Variants in CYP11B2 observed in about 807,000 individuals in gnomAD.
The protein encoded by CYP11B2 is cytochrome P450 family 11 subfamily B member 2, also known as cytochrome P450 11B2, mitochondrial.
CYP11B2 carries 38 observed loss-of-function variants against 49.3 expected under a neutral mutation model. That is an observed-to-expected ratio of 0.77 (90% CI 0.59 to 1.01). The LOEUF (loss-of-function observed/expected upper bound fraction) is 1.01. Among genes scored for constraint, CYP11B2 ranks in the 50% least tolerant of loss-of-function variants. The probability of loss-of-function intolerance (pLI) is 0.00; values close to 1 mark genes in which losing one functional copy is unlikely to be tolerated. For synonymous variants in CYP11B2, 290 were observed against 269.3 expected, an observed-to-expected ratio of 1.08 and a Z score of -0.75; for missense variants, 669 against 655.5, an observed-to-expected ratio of 1.02 and a Z score of -0.23.
chr8:142,913,504 C>T (rs1039078454), intron 5 of CYP11B2, 53 bp from the exon 6 acceptor site: 44 of 1,610,492 alleles, frequency 2.7e-5, no homozygotes, highest in Non-Finnish European at 3.6e-5. Context: ...ACTCAGCCCC[C>T]GGGACACCCC....
At chr8:142,915,433 G>A (rs1563881342) in intron 2 of CYP11B2, among the ~76,000 whole-genome samples, 188 bp from the exon 3 acceptor site, 3 of 151,498 alleles carry the variant, frequency 2.0e-5, no homozygotes, top group Non-Finnish European at 3.0e-5. Context: ...CTGGGCAAAG[G>A]CCACTCAGGT....
rs1817673208 is a variant in CYP11B2, at chr8:142,917,697, C to T, written c.144G>A (p.Arg48=). Residue 48 remains arginine, a synonymous_variant, in exon 1 of 9, where the codon AGG becomes AGA. Transcript: ENST00000323110. ...TCCAGATCTGCAGCAGCCTCAGCCA[C>T]CTGTTGCCTGGATGCTGGGGCATGG... ...FEAMPQHPGN[R]WLRLLQIWRE... is the part of the protein sequence containing the mutation. 6 of 1,614,200 alleles carry T rather than the reference C, an allele frequency of 3.7e-6. No individual in the cohort carries two copies. In the East Asian group the frequency reaches 1.1e-4, roughly 30 times the overall value.
Position 142,914,391 on chromosome 8 carries a change from T to C in CYP11B2, c.827A>G (p.Gln276Arg), listed in dbSNP as rs762254718. 6.2e-7 allele frequency: 1 copy of C among 1,613,458 alleles called. No homozygotes were observed. The highest frequency in any genetic ancestry group is 1.1e-5 in the South Asian group (1 of 91,000). The change falls in exon 5 of 9, where the codon CAG (glutamine) becomes CGG (arginine). Residue 276 changes from glutamine to arginine, a missense_variant. By Grantham distance (43) the Gln-to-Arg change is conservative. Coordinates refer to ENST00000323110, the MANE Select transcript of CYP11B2 (RefSeq NM_000498.3). ...YGDNCIQKIY[Q>R]ELAFNRPQHY... The stretch of plus-strand genomic sequence containing the variant: ...TTGAGGGCGGTTGAAGGCCAGTTCC[T>C]GGTAGATTTTCTGGATACAGTTGTC...
At chr8:142,917,503 G>A (rs1350180474) in intron 1 of CYP11B2, 99 bp downstream of exon 1, 17 of 1,613,104 alleles carry the variant, frequency 1.1e-5, no homozygotes, top group South Asian at 3.3e-5. Context: ...GCAGAGTGCC[G>A]GGACCTGCTG....
At position 142,912,853 on chromosome 8, in the gene CYP11B2, A is replaced by T; in HGVS notation, c.1154T>A (p.Val385Glu). Residue 385 changes from valine to glutamate, a missense_variant, in exon 7 of 9, where the codon GTG (valine) becomes GAG (glutamate). Transcript: ENST00000323110. ...CTGAAGCACCAAGTCTGAGCTCACC[A>T]CTCGCTCCAAAAACAGACCCACAGG... is the stretch of plus-strand genomic sequence containing the variant. Reference protein sequence around the residue: ...LYPVGLFLERVVSSDLVLQNY... With the variant: ...LYPVGLFLEREVSSDLVLQNY... 6.2e-7 allele frequency: 1 copy of T among 1,613,498 alleles called. No homozygotes were observed. The highest frequency in any genetic ancestry group is 8.5e-7 in the Non-Finnish European group (1 of 1,179,864).
At chr8:142,914,187 G>A (rs527767252) in intron 5 of CYP11B2, 77 bp downstream of exon 5, 42 of 1,539,104 alleles carry the variant, frequency 2.7e-5, no homozygotes, top group South Asian at 6.7e-5. Flanking sequence ...CGTGGGTGCC[G>A]TGTGGCATTG....
In CYP11B2 at chr8:142,917,748, G is replaced by A. The variant is rs1817675047; in HGVS notation, c.93C>T (p.Ala31=). The A allele has an allele frequency of 6.2e-7, 1 of 1,614,220 alleles. No individual in the cohort carries two copies. The highest frequency in any genetic ancestry group is 1.6e-4 in the Middle Eastern group (1 of 6,062). ...ARALGTRAAR[A]PRTVLPFEAM... is the part of the protein sequence containing the mutation. Reference sequence around the variant, plus strand: ...CTTCAAACGGCAGCACCGTCCTAGGGGCCCGAGCGGCTCTAGTGCCCAGTG... The same window carrying A: ...CTTCAAACGGCAGCACCGTCCTAGGAGCCCGAGCGGCTCTAGTGCCCAGTG... Residue 31 remains alanine, a synonymous_variant, in exon 1 of 9, where the codon GCC becomes GCT. Transcript: ENST00000323110.
rs754372589 is a variant in CYP11B2, at chr8:142,917,232, A to ACTT, written c.240-19_240-18insAAG. ...AGTTGTACCTGTGGGGCCAAGCAGG[A>ACTT]GGCCCTGCTGGACGGGGTCATGTCC... On this transcript the variant is annotated intron_variant, in intron 1 of 8. Coordinates refer to ENST00000323110, the MANE Select transcript of CYP11B2 (RefSeq NM_000498.3). 3 of 1,613,188 alleles carry ACTT rather than the reference A, an allele frequency of 1.9e-6. No individual in the cohort carries two copies. Among genetic ancestry groups the ACTT allele is most frequent in the Non-Finnish European group, 2.5e-6 (3 of 1,179,532 alleles).
At position 142,914,379 on chromosome 8, in the gene CYP11B2, A is replaced by C; in HGVS notation, c.839T>G (p.Phe280Cys). ...GCCTGTGTAGTGTTGAGGGCGGTTG[A>C]AGGCCAGTTCCTGGTAGATTTTCTG... ...CIQKIYQELA[F>C]NRPQHYTGIV... Residue 280 changes from phenylalanine to cysteine, a missense_variant, in exon 5 of 9, where the codon TTC (phenylalanine) becomes TGC (cysteine). By Grantham distance (205) the Phe-to-Cys change is radical (BLOSUM62 -2). Transcript: ENST00000323110. The C allele has an allele frequency of 6.2e-7, 1 of 1,613,572 alleles. No individual in the cohort carries two copies. Among genetic ancestry groups the C allele is most frequent in the African/African-American group, 1.3e-5 (1 of 74,958 alleles).
intron 4 of CYP11B2, 115 bp downstream of exon 4, chr8:142,914,590 G>A (rs1314174298): frequency 7.0e-7 from 1 of 1,431,128 alleles, no homozygotes; most frequent in Non-Finnish European, 9.6e-7. Context: ...GCAGGAAGGT[G>A]AGGAATCCCC....
chr8:142,914,035 T>C, intron 5 of CYP11B2: 1 of 657,196 alleles, frequency 1.5e-6, no homozygotes, highest in South Asian at 1.5e-5. Flanking sequence ...GGAGCATGGA[T>C]CCCCACACAG....
chr8:142,914,500 C>T (rs949298974), intron 4 of CYP11B2, 82 bp from the exon 5 acceptor site: 115 of 1,478,238 alleles, frequency 7.8e-5, no homozygotes, highest in Admixed American at 9.7e-5. Context: ...CAGACTGCCC[C>T]GACACCCAAA....
At chr8:142,915,891 T>G (rs1817636034) in intron 2 of CYP11B2, among the ~76,000 whole-genome samples, 1 of 152,178 alleles carries the variant, frequency 6.6e-6, no homozygotes, top group Non-Finnish European at 1.5e-5. Flanking sequence ...TTTATTTATG[T>G]CCAGCTGGCT....
intron 8 of CYP11B2, 57 bp downstream of exon 8, chr8:142,912,473 G>T: frequency 1.3e-6 from 2 of 1,566,358 alleles, no homozygotes; most frequent in South Asian, 1.1e-5. Flanking sequence ...CCCGCCCCCA[G>T]TGTGCAGGTC....
intron 8 of CYP11B2, 38 bp downstream of exon 8, chr8:142,912,492 G>A: frequency 6.3e-7 from 1 of 1,599,006 alleles, no homozygotes; most frequent in African/African-American, 1.3e-5. Context: ...TCCCGCCTCT[G>A]CTGCCCAGGT....
At position 142,912,728 on chromosome 8, in the gene CYP11B2, C is replaced by T. The variant is rs1361507915; in HGVS notation, c.1201-1G>A. On this transcript the variant is annotated splice_acceptor_variant, in intron 7 of 8. Coordinates refer to ENST00000323110, the MANE Select transcript of CYP11B2 (RefSeq NM_000498.3). LOFTEE classifies it high-confidence loss of function. Reference sequence around the variant, plus strand: ...AGTAGAGGAAAACCTGTACCAATGTCTGCGGACGGTGCAGAGCAGGGATCA... The same window carrying T: ...AGTAGAGGAAAACCTGTACCAATGTTTGCGGACGGTGCAGAGCAGGGATCA... 1 of 1,613,868 alleles carries T rather than the reference C, an allele frequency of 6.2e-7. No homozygotes were observed. The highest frequency in any genetic ancestry group is 1.3e-5 in the African/African-American group (1 of 74,866).
intron 1 of CYP11B2, 48 bp from the exon 2 acceptor site, chr8:142,917,262 T>C: frequency 6.2e-7 from 1 of 1,600,554 alleles, no homozygotes; most frequent in Non-Finnish European, 8.6e-7. Context: ...ATGTCCCTCG[T>C]GGCCCCACCC....
Position 142,915,170 on chromosome 8 carries a change from G to A in CYP11B2, c.471C>T (p.Phe157=). 6.2e-7 allele frequency: 1 copy of A among 1,614,160 alleles called. No individual in the cohort carries two copies. The highest frequency in any genetic ancestry group is 8.5e-7 in the Non-Finnish European group (1 of 1,180,018). ...TGGCCACTGCATCCACCATCGGGAG[G>A]AACCTCTGCACGGCCTTGGGCGACA... ...DVLSPKAVQR[F]LPMVDAVARD... is the part of the protein sequence containing the mutation. Residue 157 remains phenylalanine, a synonymous_variant, in exon 3 of 9, where the codon TTC becomes TTT. Transcript: ENST00000323110.
intron 8 of CYP11B2, 106 bp from the exon 9 acceptor site, chr8:142,912,199 G>A: frequency 6.4e-7 from 1 of 1,556,128 alleles, no homozygotes; most frequent in African/African-American, 1.4e-5. Flanking sequence ...AGGGGGAGCA[G>A]CAGCCTGGGC....
Sources: gnomAD v4.1 joint callset for allele counts (sites outside exome capture counted in the v4.1 genomes callset) on GRCh38, gnomAD v4.1.1 for gene constraint, MANE v1.5 for transcripts, NCBI Gene and HGNC (gene_info 2026-07-23, HGNC 2026-07-21) for gene names.